TTLL5: variants seen among roughly 807,000 people sequenced by gnomAD.
The protein encoded by TTLL5 is tubulin polyglutamylase TTLL5.
TTLL5 carries 132 observed loss-of-function variants against 168.4 expected under a neutral mutation model. That is an observed-to-expected ratio of 0.78 (90% CI 0.68 to 0.91). TTLL5 has a LOEUF of 0.91. TTLL5 is among the 40% of genes least tolerant of loss of function. The probability of loss-of-function intolerance (pLI) is 0.00; values close to 1 mark genes in which losing one functional copy is unlikely to be tolerated. For synonymous variants in TTLL5, 546 were observed against 558.6 expected (o/e 0.98, Z 0.32); for missense variants, 1,545 against 1,581.5 (o/e 0.98, Z 0.39).
At chr14:75,700,898 T>G (rs1886222160) in intron 7 of TTLL5, among the ~76,000 whole-genome samples, 1 of 152,058 alleles carries the variant, frequency 6.6e-6, no homozygotes, top group Non-Finnish European at 1.5e-5. Flanking sequence ...TGGACCAGTT[T>G]TTTATTCTTC....
At chr14:75,724,258 A>C (rs1888041644) in intron 12 of TTLL5, among the ~76,000 whole-genome samples, 1 of 152,112 alleles carries the variant, frequency 6.6e-6, no homozygotes. Flanking sequence ...TGTAATGTTC[A>C]ACTATGTTTC....
rs2140299317 is a variant in TTLL5, at chr14:75,766,284, G to A, written c.1931G>A (p.Gly644Asp). ...AAAGTTCGTGAATGGAATAATAAAG[G>A]TGGACACTGCTGCAAACTTGAGACT... ...SMKVREWNNK[G>D]GHCCKLETQE... Residue 644 changes from glycine to aspartate, a missense_variant, in exon 20 of 32, where the codon GGT becomes GAT. By Grantham distance (94) the Gly-to-Asp change is moderately conservative. Coordinates refer to ENST00000298832, the MANE Select transcript of TTLL5 (RefSeq NM_015072.5). The A allele has an allele frequency of 3.1e-6, 5 of 1,614,022 alleles. No homozygotes were observed. Among genetic ancestry groups the A allele is most frequent in the Non-Finnish European group, 4.2e-6 (5 of 1,179,968 alleles).
At chr14:75,798,952 G>C (rs1893136843) in intron 27 of TTLL5, among the ~76,000 whole-genome samples, 1 of 152,124 alleles carries the variant, frequency 6.6e-6, no homozygotes, top group Non-Finnish European at 1.5e-5. Flanking sequence ...TTGCTGGGTA[G>C]AATGTTCTGT....
At chr14:75,702,282 C>G (rs1472738464) in intron 7 of TTLL5, among the ~76,000 whole-genome samples, 1 of 152,248 alleles carries the variant, frequency 6.6e-6, no homozygotes, top group Admixed American at 6.5e-5. Flanking sequence ...GCTCTGTCTC[C>G]TCTTGTCTCT....
Position 75,760,519 on chromosome 14 carries a change from C to T in TTLL5, c.1551-4096C>T, listed in dbSNP as rs1365715836. ...AATTTATATTCAAATACAAAGGACT[C>T]AGAATATCCAAAGTAATCTTGAAAA... On this transcript the variant is annotated intron_variant, in intron 18 of 31. Transcript: ENST00000298832. Among the ~76,000 whole-genome samples the T allele has an allele frequency of 1.1e-4, 16 of 152,034 alleles. 1 individual carries two copies. The highest frequency in any genetic ancestry group is 3.9e-4 in the African/African-American group (16 of 41,510).
chr14:75,916,354 AT>A (rs2033614672), intron 31 of TTLL5, among the ~76,000 whole-genome samples: 1 of 152,028 alleles, frequency 6.6e-6, no homozygotes, highest in South Asian at 2.1e-4. Flanking sequence ...TAAACATAGA[AT>A]TACTGGCCAG....
intron 31 of TTLL5, among the ~76,000 whole-genome samples, chr14:75,926,331 G>A (rs148351760): frequency 0.031 from 4,683 of 151,894 alleles, 109 homozygotes; most frequent in Non-Finnish European, 0.051. Context: ...TTTAATTGGG[G>A]CATTTAGCCC....
At chr14:75,802,182 C>T (rs1201820454) in intron 27 of TTLL5, among the ~76,000 whole-genome samples, 1 of 151,742 alleles carries the variant, frequency 6.6e-6, no homozygotes, top group East Asian at 1.9e-4. Context: ...TATTTTCTTG[C>T]CTTATCTTTA....
intron 27 of TTLL5, among the ~76,000 whole-genome samples, chr14:75,795,933 C>G (rs992849975): frequency 6.6e-6 from 1 of 152,158 alleles, no homozygotes. Flanking sequence ...TTCTTTTCCT[C>G]TGGGTAGATA....
chr14:75,771,924 T>C, intron 21 of TTLL5, 70 bp downstream of exon 21: 2 of 1,521,582 alleles, frequency 1.3e-6, no homozygotes, highest in Non-Finnish European at 8.8e-7. Context: ...TTTTTTTTTT[T>C]TTCCTATTAG....
At chr14:75,666,138 A>ATCTTGTTCACACCTGAAGCAGCAG (rs1883243629) in intron 2 of TTLL5, among the ~76,000 whole-genome samples, 1 of 152,192 alleles carries the variant, frequency 6.6e-6, no homozygotes, top group Admixed American at 6.5e-5. Context: ...GCTTAAATCA[A>ATCTTGTTCACACCTGAAGCAGCAG]TCTTGTTCAC....
rs751595648 is a variant in TTLL5, at chr14:75,775,490, G to C, written c.2143G>C (p.Val715Leu). The change falls in exon 22 of 32, where the codon GTT becomes CTT. Residue 715 changes from valine (V) to leucine (L), a missense_variant. Val to Leu is a conservative substitution (Grantham distance 32). Transcript: ENST00000298832. The stretch of plus-strand genomic sequence containing the variant: ...ACGACTCTTTAATTTATAGGAGCTG[G>C]TTGTTCGTTTCCTCAAGCGAGCATC... ...AAKEDEQMEL[V>L]VRFLKRASNN... is the part of the protein sequence containing the mutation. 94 of 1,613,116 alleles carry C rather than the reference G, an allele frequency of 5.8e-5. No homozygotes were observed. The highest frequency in any genetic ancestry group is 7.8e-5 in the Non-Finnish European group (92 of 1,179,618).
intron 27 of TTLL5, among the ~76,000 whole-genome samples, chr14:75,813,827 TA>T (rs34546490): frequency 3.8e-3 from 524 of 139,622 alleles, no homozygotes; most frequent in Middle Eastern, 0.015. Flanking sequence ...TGGTTTCAAT[TA>T]AAAAAAAAAA....
chr14:75,804,480 C>T (rs547616768), intron 27 of TTLL5, among the ~76,000 whole-genome samples: 5 of 152,296 alleles, frequency 3.3e-5, no homozygotes, highest in Admixed American at 2.0e-4. Context: ...AGGCAGATGG[C>T]GCCCAGTTTA....
At chr14:75,813,265 TG>T (rs1894170715) in intron 27 of TTLL5, among the ~76,000 whole-genome samples, 1 of 91,360 alleles carries the variant, frequency 1.1e-5, no homozygotes, top group Non-Finnish European at 2.2e-5. Context: ...GCACTGTGTG[TG>T]TGTTTGTGTG....
intron 31 of TTLL5, among the ~76,000 whole-genome samples, chr14:75,914,407 C>A (rs1229049915): frequency 1.3e-5 from 2 of 151,936 alleles, no homozygotes; most frequent in Non-Finnish European, 2.9e-5. Context: ...AAAAATAGTC[C>A]ATTTCCTCTG....
At chr14:75,820,225 C>G in intron 28 of TTLL5, 64 bp downstream of exon 28, 1 of 1,460,372 alleles carries the variant, frequency 6.8e-7, no homozygotes, top group Non-Finnish European at 9.0e-7. Flanking sequence ...CCCAAGCAAG[C>G]CATTCCCACC....
At chr14:75,912,865 A>G (rs1344599262) in intron 31 of TTLL5, among the ~76,000 whole-genome samples, 1 of 152,250 alleles carries the variant, frequency 6.6e-6, no homozygotes, top group Non-Finnish European at 1.5e-5. Flanking sequence ...AACTGTGCAA[A>G]GATAAAATAT....
Position 75,779,690 on chromosome 14 carries a change from G to A in TTLL5, c.2503G>A (p.Gly835Arg). 1.2e-6 allele frequency: 2 copies of A among 1,611,060 alleles called. No homozygotes were observed. ...GAACAACAACAATTATTCTGATAGT[G>A]GGGCAAAAGGTGGTAAGTATACTGG... ...SKNNNNYSDS[G>R]AKGDHPETIM... The change falls in exon 24 of 32, where the codon GGG becomes AGG. Residue 835 changes from glycine to arginine, a missense_variant. Gly to Arg is a moderately radical substitution (Grantham distance 125). Transcript: ENST00000298832.
Sources: allele counts gnomAD v4.1 joint callset (sites outside exome capture counted in the v4.1 genomes callset), GRCh38; gene constraint gnomAD v4.1.1; transcripts MANE v1.5; gene names NCBI Gene and HGNC (gene_info 2026-07-23, HGNC 2026-07-21).